The following SCTR variants were observed in gnomAD, a reference collection of about 807,000 sequenced individuals.
SCTR encodes the protein pancreatic secretin receptor.
Under a neutral mutation model 60.8 loss-of-function variants are expected in SCTR, and 56 were observed. That is an observed-to-expected ratio of 0.92 (90% confidence interval 0.74 to 1.15). The LOEUF (loss-of-function observed/expected upper bound fraction) is 1.15. SCTR is among the 50% of genes most tolerant of loss of function. The probability of loss-of-function intolerance (pLI) is 0.00; values close to 1 mark genes in which losing one functional copy is unlikely to be tolerated. For synonymous variants in SCTR, 202 were observed against 217.0 expected, an observed-to-expected ratio of 0.93 and a Z score of 0.61; for missense variants, 562 against 550.4, an observed-to-expected ratio of 1.02 and a Z score of -0.21.
chr2:119,511,212 C>CA (rs544266795), intron 1 of SCTR, among the ~76,000 whole-genome samples: 307 of 140,070 alleles, frequency 2.2e-3, no homozygotes, highest in Middle Eastern at 7.7e-3. Flanking sequence ...ATCTCCGTCT[C>CA]AAAAAAAAAA....
chr2:119,456,029 C>A (rs935499721), intron 7 of SCTR, among the ~76,000 whole-genome samples: 8 of 151,336 alleles, frequency 5.3e-5, no homozygotes, highest in African/African-American at 1.9e-4. Context: ...AAACACAAGA[C>A]CCTCAAAATT....
chr2:119,473,880 C>T (rs933820010), intron 3 of SCTR, among the ~76,000 whole-genome samples: 1 of 152,172 alleles, frequency 6.6e-6, no homozygotes, highest in African/African-American at 2.4e-5. Flanking sequence ...GTGGTGGCTG[C>T]CCAGTACCTG....
intron 1 of SCTR, among the ~76,000 whole-genome samples, chr2:119,500,086 T>C (rs1274467102): frequency 6.6e-6 from 1 of 152,074 alleles, no homozygotes; most frequent in East Asian, 1.9e-4. Flanking sequence ...TGGCAGCAGG[T>C]ATATGAAAAA....
intron 1 of SCTR, among the ~76,000 whole-genome samples, chr2:119,515,873 A>T (rs1283080473): frequency 6.6e-6 from 1 of 152,226 alleles, no homozygotes; most frequent in Non-Finnish European, 1.5e-5. Flanking sequence ...AACTATTCAT[A>T]GTATCTCTTC....
At chr2:119,495,867 G>A (rs1678327262) in intron 1 of SCTR, among the ~76,000 whole-genome samples, 1 of 152,190 alleles carries the variant, frequency 6.6e-6, no homozygotes, top group Non-Finnish European at 1.5e-5. Flanking sequence ...GGCCCAGCCA[G>A]CTCTAGGATC....
rs1222628111 is a variant in SCTR, at chr2:119,507,680, C to CT, written c.73-13133dup. ...TTCTCGTTCTTTTTTTTTTTTTTTTCTTTTTTTTTTTTTGAGGCAGAGTCT... is the reference window on the plus strand; with the variant it reads ...TTCTCGTTCTTTTTTTTTTTTTTTTCTTTTTTTTTTTTTTGAGGCAGAGTCT... On this transcript the variant is annotated intron_variant, in intron 1 of 12. Transcript: ENST00000019103. Among the ~76,000 whole-genome samples, 822 of 99,162 alleles carry CT rather than the reference C, an allele frequency of 8.3e-3. 1 individual carries two copies. Among genetic ancestry groups the CT allele is most frequent in the African/African-American group, 0.013 (325 of 25,748 alleles). 65.1% of individuals were successfully genotyped at this position (99,162 alleles called of 152,430 possible).
At chr2:119,522,160 G>T (rs1679307186) in intron 1 of SCTR, among the ~76,000 whole-genome samples, 1 of 152,180 alleles carries the variant, frequency 6.6e-6, no homozygotes, top group Non-Finnish European at 1.5e-5. Context: ...GCCGAGCATG[G>T]TGGCACATGC....
chr2:119,463,102 A>T (rs1466673776), intron 6 of SCTR, among the ~76,000 whole-genome samples: 2 of 152,100 alleles, frequency 1.3e-5, no homozygotes, highest in African/African-American at 2.4e-5. Context: ...TGAACAATAC[A>T]AACAGGTGAG....
chr2:119,520,572 A>G (rs1236504272), intron 1 of SCTR, among the ~76,000 whole-genome samples: 1 of 152,218 alleles, frequency 6.6e-6, no homozygotes, highest in East Asian at 1.9e-4. Context: ...TTCTGGATCC[A>G]GATGCATGAC....
chr2:119,494,187 A>G (rs1228833149), intron 2 of SCTR, among the ~76,000 whole-genome samples: 1 of 152,158 alleles, frequency 6.6e-6, no homozygotes, highest in Admixed American at 6.5e-5. Flanking sequence ...TGATGATAGG[A>G]AAACACCGGC....
At position 119,494,615 on chromosome 2, in the gene SCTR, G is replaced by T. The variant is rs113214046; in HGVS notation, c.73-67C>A. On this transcript the variant is annotated intron_variant, in intron 1 of 12. Transcript: ENST00000019103. Reference sequence around the variant, plus strand: ...TCAATTTTGCCACATGGGGGAGAATGGGGCAAGACAATGCAGATTCAATGG... The same window carrying T: ...TCAATTTTGCCACATGGGGGAGAATTGGGCAAGACAATGCAGATTCAATGG... 5.5e-5 allele frequency: 86 copies of T among 1,559,228 alleles called. 1 individual carries two copies. The African/African-American group carries it at 9.9e-4, about 18-fold the overall frequency.
chr2:119,503,102 T>C (rs1296022133), intron 1 of SCTR, among the ~76,000 whole-genome samples: 1 of 131,650 alleles, frequency 7.6e-6, no homozygotes, highest in African/African-American at 3.0e-5. Context: ...GAGCTTGCAA[T>C]GAGCCAAGAT....
chr2:119,517,274 C>T (rs1294733631), intron 1 of SCTR, among the ~76,000 whole-genome samples: 1 of 152,046 alleles, frequency 6.6e-6, no homozygotes, highest in African/African-American at 2.4e-5. Flanking sequence ...TTCCTCCCGC[C>T]TCAACCTCCT....
At chr2:119,461,759 G>C in intron 7 of SCTR, 88 bp downstream of exon 7, 2 of 1,005,256 alleles carry the variant, frequency 2.0e-6, no homozygotes, top group South Asian at 2.0e-5. Context: ...TAAGTGTGGA[G>C]CTGGAACTAA....
intron 1 of SCTR, among the ~76,000 whole-genome samples, chr2:119,507,109 CAACTT>C (rs1267792908): frequency 2.0e-5 from 3 of 152,130 alleles, no homozygotes; most frequent in Non-Finnish European, 4.4e-5. Flanking sequence ...AAAAAAAAGA[CAACTT>C]AATTATCTGA....
chr2:119,460,012 C>T (rs1683537229), intron 7 of SCTR, among the ~76,000 whole-genome samples: 4 of 151,972 alleles, frequency 2.6e-5, no homozygotes, highest in Admixed American at 2.6e-4. Flanking sequence ...GAGACGTCGG[C>T]ATAACTCTGC....
In SCTR at chr2:119,524,141, G is replaced by A. The variant is rs1679376443; in HGVS notation, c.72+14C>T. The A allele has an allele frequency of 2.6e-6, 4 of 1,541,180 alleles. No individual in the cohort carries two copies. The Admixed American group carries it at 7.9e-5, about 30-fold the overall frequency. ...CCCTCGGGTCCCCAGCCTGCAGAAG[G>A]GCGCAGTACTCACCGAGTGCGCGGC... On this transcript the variant is annotated intron_variant, in intron 1 of 12. Coordinates refer to ENST00000019103, the MANE Select transcript of SCTR (RefSeq NM_002980.3).
intron 1 of SCTR, 146 bp downstream of exon 1, chr2:119,524,009 T>C (rs1679372244): frequency 1.7e-5 from 11 of 657,314 alleles, no homozygotes; most frequent in South Asian, 1.1e-4. Context: ...GAGAGATTAA[T>C]GTTGGGAGGA....
Position 119,524,259 on chromosome 2 carries a change from G to T in SCTR, c.-33C>A, listed in dbSNP as rs1014452855. The T allele has an allele frequency of 1.4e-6, 2 of 1,391,110 alleles. No homozygotes were observed. The highest frequency in any genetic ancestry group is 1.5e-5 in the African/African-American group (1 of 66,506). The allele number at this position is 1,391,110 out of a possible 1,614,324, so 86.2% of individuals were successfully genotyped here. A position where few individuals can be genotyped will look rare whatever the true frequency, so the allele number is the denominator to read the frequency against. On this transcript the variant is annotated 5_prime_UTR_variant, in exon 1 of 13. Coordinates refer to ENST00000019103, the MANE Select transcript of SCTR (RefSeq NM_002980.3). Reference sequence around the variant, plus strand: ...GCACGTTCCCCGAGGGCGCCCCGACGTCCGCCTGCCCGTGCCCTCTGCCCG... The same window carrying T: ...GCACGTTCCCCGAGGGCGCCCCGACTTCCGCCTGCCCGTGCCCTCTGCCCG...
Sources: allele counts gnomAD v4.1 joint callset (sites outside exome capture counted in the v4.1 genomes callset), GRCh38; gene constraint gnomAD v4.1.1; transcripts MANE v1.5; gene names NCBI Gene and HGNC (gene_info 2026-07-23, HGNC 2026-07-21).